The following HMGB1 variants were observed in gnomAD, a reference collection of about 807,000 sequenced individuals.
HMGB1 encodes the protein high mobility group box 1.
For synonymous variants in HMGB1, 81 were observed against 84.0 expected (o/e 0.96, Z 0.19); for missense variants, 79 against 253.5 (o/e 0.31, Z 4.67).
intron 1 of HMGB1, among the ~76,000 whole-genome samples, chr13:30,487,953 G>GA (rs1887399699): frequency 6.6e-6 from 1 of 151,956 alleles, no homozygotes; most frequent in Non-Finnish European, 1.5e-5. Flanking sequence ...TAATTAAAGG[G>GA]AAAAAAATTA....
chr13:30,600,278 C>G (rs1319401261), intron 1 of HMGB1, among the ~76,000 whole-genome samples: 1 of 152,204 alleles, frequency 6.6e-6, no homozygotes, highest in African/African-American at 2.4e-5. Flanking sequence ...CAGCTCAGAT[C>G]ACAGTCTTAA....
intron 1 of HMGB1, among the ~76,000 whole-genome samples, chr13:30,570,039 C>G (rs781596051): frequency 3.9e-5 from 6 of 152,190 alleles, no homozygotes. Context: ...AAACCCAGTG[C>G]ATTCCCCCTT....
At chr13:30,497,101 C>T (rs1445794599) in intron 1 of HMGB1, among the ~76,000 whole-genome samples, 1 of 152,154 alleles carries the variant, frequency 6.6e-6, no homozygotes, top group Non-Finnish European at 1.5e-5. Context: ...TATCTCTTTT[C>T]GCTGGCTCCT....
intron 1 of HMGB1, among the ~76,000 whole-genome samples, chr13:30,592,173 TA>T (rs138146680): frequency 0.065 from 9,528 of 146,872 alleles, 367 homozygotes; most frequent in Non-Finnish European, 0.097. Flanking sequence ...GCCACAAAAT[TA>T]AAAAAAAAAC....
upstream of HMGB1, among the ~76,000 whole-genome samples, chr13:30,470,256 G>C (rs946987886): frequency 4.6e-5 from 7 of 152,204 alleles, no homozygotes; most frequent in African/African-American, 1.7e-4. Flanking sequence ...AATAAAGCCC[G>C]TTGCATAAAT....
In HMGB1 at chr13:30,527,439, C is replaced by T. The variant is rs79461581; in HGVS notation, c.-14-63745G>A. Reference sequence around the variant, plus strand: ...GTAGCTCCTACCTCTGAGCCTCTTCCCACCTTCCTCAGATGTCGGTGGTCC... The same window carrying T: ...GTAGCTCCTACCTCTGAGCCTCTTCTCACCTTCCTCAGATGTCGGTGGTCC... On this transcript the variant is annotated intron_variant, in intron 1 of 4. Coordinates refer to the HMGB1 transcript ENST00000405805. Among the ~76,000 whole-genome samples the T allele has an allele frequency of 8.3e-3, 1,259 of 152,136 alleles. 9 individuals carry two copies. The highest frequency in any genetic ancestry group is 0.028 in the African/African-American group (1,163 of 41,496).
chr13:30,551,791 A>G (rs917287911), intron 1 of HMGB1, among the ~76,000 whole-genome samples: 1 of 151,956 alleles, frequency 6.6e-6, no homozygotes, highest in Non-Finnish European at 1.5e-5. Flanking sequence ...TTGCAGCCTC[A>G]AACTCCTGGG....
intron 1 of HMGB1, among the ~76,000 whole-genome samples, chr13:30,549,842 G>A (rs895769357): frequency 6.6e-6 from 1 of 151,820 alleles, no homozygotes; most frequent in Admixed American, 6.6e-5. Context: ...TCAGCTTCCC[G>A]AGTACCTGGG....
intron 1 of HMGB1, among the ~76,000 whole-genome samples, chr13:30,507,286 G>A (rs1593281405): frequency 6.6e-6 from 1 of 152,316 alleles, no homozygotes; most frequent in Middle Eastern, 3.4e-3. Flanking sequence ...CCTGTGTGAA[G>A]GGCAACCTGG....
At chr13:30,578,045 T>TA (rs1401089757) in intron 1 of HMGB1, among the ~76,000 whole-genome samples, 1 of 151,896 alleles carries the variant, frequency 6.6e-6, no homozygotes, top group Non-Finnish European at 1.5e-5. Flanking sequence ...CACATGGAGG[T>TA]AAGCAGCAAG....
intron 1 of HMGB1, among the ~76,000 whole-genome samples, chr13:30,543,648 CT>C (rs1303639129): frequency 4.6e-5 from 7 of 152,142 alleles, no homozygotes. Context: ...CCTGAACTAG[CT>C]TTGTTTGGAT....
intron 1 of HMGB1, among the ~76,000 whole-genome samples, chr13:30,555,602 T>C (rs1237644653): frequency 6.6e-6 from 1 of 152,206 alleles, no homozygotes; most frequent in Non-Finnish European, 1.5e-5. Context: ...TACACTAATA[T>C]ACAGAATAAA....
At chr13:30,462,020 A>G (rs1886374105) in intron 4 of HMGB1, among the ~76,000 whole-genome samples, 1 of 152,220 alleles carries the variant, frequency 6.6e-6, no homozygotes, top group South Asian at 2.1e-4. Flanking sequence ...TAAAGCTGAA[A>G]ATTAAGTATT....
chr13:30,607,505 C>G (rs1266478774), intron 1 of HMGB1, among the ~76,000 whole-genome samples: 1 of 150,926 alleles, frequency 6.6e-6, no homozygotes, highest in Non-Finnish European at 1.5e-5. Flanking sequence ...TTTTAAGTTT[C>G]CTGAGGCCTC....
At chr13:30,538,528 CTT>C (rs1868607214) in intron 1 of HMGB1, among the ~76,000 whole-genome samples, 1 of 119,308 alleles carries the variant, frequency 8.4e-6, no homozygotes, top group Non-Finnish European at 1.7e-5. Flanking sequence ...TCTTTCCTTT[CTT>C]TCTTTCCTTT....
chr13:30,529,207 T>C (rs924153000), intron 1 of HMGB1, among the ~76,000 whole-genome samples: 3 of 152,054 alleles, frequency 2.0e-5, no homozygotes, highest in African/African-American at 7.2e-5. Flanking sequence ...CACATCTCCA[T>C]CACAATGTGA....
intron 1 of HMGB1, among the ~76,000 whole-genome samples, chr13:30,491,581 T>G (rs1268581907): frequency 2.7e-5 from 4 of 150,256 alleles, no homozygotes; most frequent in Non-Finnish European, 4.4e-5. Context: ...GAGGATCACC[T>G]AAGCCTGGGA....
intron 1 of HMGB1, among the ~76,000 whole-genome samples, chr13:30,496,547 C>T (rs1887613295): frequency 6.6e-6 from 1 of 152,142 alleles, no homozygotes; most frequent in African/African-American, 2.4e-5. Flanking sequence ...AAAACCTTAC[C>T]TAAAAGCGTA....
At position 30,559,364 on chromosome 13, in the gene HMGB1, A is replaced by G. The variant is rs1869841523; in HGVS notation, c.-15+57307T>C. On this transcript the variant is annotated intron_variant, in intron 1 of 4. Coordinates refer to the HMGB1 transcript ENST00000405805. This position sits in a 1 kb window ranked among gnomAD's most constrained non-coding sequence, Gnocchi z 6.6. ...GGCTTATTTTACAGGGTGAACTCCC[A>G]ATCCCGGTAAGATGGCCCGAGTTTC... is the stretch of plus-strand genomic sequence containing the variant. Among the ~76,000 whole-genome samples the G allele has an allele frequency of 6.6e-6, 1 of 152,166 alleles. No individual in the cohort carries two copies. The highest frequency in any genetic ancestry group is 1.5e-5 in the Non-Finnish European group (1 of 68,024).
Sources: allele counts gnomAD v4.1 joint callset (sites outside exome capture counted in the v4.1 genomes callset), GRCh38; gene constraint gnomAD v4.1.1; non-coding constraint Gnocchi (gnomAD v3.1); transcripts MANE v1.5; gene names NCBI Gene and HGNC (gene_info 2026-07-23, HGNC 2026-07-21).